The following WDFY1 variants were observed in gnomAD, a reference collection of about 807,000 sequenced individuals.
The protein encoded by WDFY1 is WD repeat and FYVE domain-containing protein 1.
Under a neutral mutation model 56.4 loss-of-function variants are expected in WDFY1, and 32 were observed. The observed-to-expected ratio is 0.57, with a 90% CI of 0.43 to 0.76. WDFY1 has a LOEUF of 0.76. Ranked by LOEUF, WDFY1 falls within the 30% of genes least tolerant of loss-of-function variation. The probability of loss-of-function intolerance (pLI) is 0.00; values close to 1 mark genes in which losing one functional copy is unlikely to be tolerated. For missense variants in WDFY1, 480 were observed against 545.7 expected (o/e 0.88, Z 1.20); for synonymous variants, 192 against 197.3 (o/e 0.97, Z 0.23).
chr2:223,880,765 A>ATTTTTTTTT (rs386392765), intron 10 of WDFY1, among the ~76,000 whole-genome samples: 1 of 149,540 alleles, frequency 6.7e-6, no homozygotes. Context: ...AAAATAACTG[A>ATTTTTTTTT]TTTTTTTTTT....
chr2:223,922,130 C>T (rs929694384), intron 1 of WDFY1, among the ~76,000 whole-genome samples: 2 of 152,224 alleles, frequency 1.3e-5, no homozygotes, highest in East Asian at 1.9e-4. Flanking sequence ...TCCCTGAATA[C>T]GTCCAGCTCA....
chr2:223,898,777 T>C (rs1693445061), intron 6 of WDFY1, among the ~76,000 whole-genome samples, 181 bp downstream of exon 6: 2 of 152,072 alleles, frequency 1.3e-5, no homozygotes, highest in African/African-American at 4.8e-5. Context: ...ATTTCGACAA[T>C]ATGAAATGAA....
At chr2:223,904,913 ATAAAG>A (rs1379972960) in intron 4 of WDFY1, among the ~76,000 whole-genome samples, 2 of 152,210 alleles carry the variant, frequency 1.3e-5, no homozygotes, top group African/African-American at 2.4e-5. Flanking sequence ...AATTTACAAA[ATAAAG>A]TAAAAACTGA....
Position 223,884,045 on chromosome 2 carries a change from C to CT in WDFY1, c.933+602dup, listed in dbSNP as rs1194002648. ...ATCAGCATTCTTTTTTACTTACCTG[C>CT]TTTTTTTTTTTTTTGTAGAACTTTA... On this transcript the variant is annotated intron_variant, in intron 9 of 11. Coordinates refer to ENST00000233055, the MANE Select transcript of WDFY1 (RefSeq NM_020830.5). Among the ~76,000 whole-genome samples the CT allele has an allele frequency of 2.7e-3, 379 of 141,054 alleles. 4 individuals carry two copies. The highest frequency in any genetic ancestry group is 0.014 in the Admixed American group (198 of 13,978). The allele number at this position is 141,054 out of a possible 152,430, so 92.5% of individuals were successfully genotyped here. A position where few individuals can be genotyped will look rare whatever the true frequency, so the allele number is the denominator to read the frequency against.
chr2:223,944,397 CG>C (rs1408906259), intron 1 of WDFY1, among the ~76,000 whole-genome samples: 4 of 152,252 alleles, frequency 2.6e-5, no homozygotes, highest in Non-Finnish European at 4.4e-5. Context: ...CAGGCTAGTG[CG>C]ACACCGCAGG....
chr2:223,935,503 G>A (rs1044646812), intron 1 of WDFY1, among the ~76,000 whole-genome samples: 3 of 152,180 alleles, frequency 2.0e-5, no homozygotes, highest in Non-Finnish European at 4.4e-5. Flanking sequence ...GAGGGAAGAT[G>A]AATACCTAAA....
chr2:223,925,113 T>G (rs948977024), intron 1 of WDFY1, among the ~76,000 whole-genome samples: 1 of 151,774 alleles, frequency 6.6e-6, no homozygotes, highest in Non-Finnish European at 1.5e-5. Flanking sequence ...ATGAAATGGG[T>G]TAATGATAGA....
intron 2 of WDFY1, among the ~76,000 whole-genome samples, chr2:223,913,212 CAAA>C (rs60874770): frequency 1.2e-4 from 7 of 59,798 alleles, no homozygotes; most frequent in African/African-American, 2.1e-4. Context: ...AACTCCATCT[CAAA>C]AAAAAAAAAA....
chr2:223,891,844 A>C (rs1276800201), intron 8 of WDFY1, among the ~76,000 whole-genome samples: 1 of 152,212 alleles, frequency 6.6e-6, no homozygotes, highest in Non-Finnish European at 1.5e-5. Context: ...AATAAGACTG[A>C]AAAATAATAG....
Position 223,878,527 on chromosome 2 carries a change from A to C in WDFY1, c.*144T>G. 1.5e-6 allele frequency: 1 copy of C among 652,650 alleles called. No homozygotes were observed. Among genetic ancestry groups the C allele is most frequent in the South Asian group, 2.0e-5 (1 of 50,564 alleles). The allele number at this position is 652,650 out of a possible 1,614,324, so 40.4% of individuals were successfully genotyped here. ...AAGTTCCACAAATGCCCCAAAACACACCTTTACATTTTCTTTTTAAAAATG... is the reference window on the plus strand; with the variant it reads ...AAGTTCCACAAATGCCCCAAAACACCCCTTTACATTTTCTTTTTAAAAATG... On this transcript the variant is annotated 3_prime_UTR_variant, in exon 12 of 12. Transcript: ENST00000233055.
intron 1 of WDFY1, among the ~76,000 whole-genome samples, chr2:223,918,737 T>C (rs1214616856): frequency 2.0e-5 from 3 of 151,884 alleles, no homozygotes; most frequent in African/African-American, 4.9e-5. Context: ...CACTTGGTGG[T>C]TGACCGTCTG....
intron 4 of WDFY1, among the ~76,000 whole-genome samples, chr2:223,904,927 GA>G (rs1468329135): frequency 2.6e-5 from 4 of 151,922 alleles, no homozygotes; most frequent in Admixed American, 6.6e-5. Context: ...AGTAAAAACT[GA>G]AAAAAAGGTA....
At chr2:223,881,124 G>T (rs1460919260) in intron 10 of WDFY1, among the ~76,000 whole-genome samples, 1 of 152,204 alleles carries the variant, frequency 6.6e-6, no homozygotes, top group African/African-American at 2.4e-5. Flanking sequence ...AGGGCAGAGT[G>T]GGGTATCAAA....
chr2:223,942,527 C>CTTTTTTTTTGTTT (rs1689325660), intron 1 of WDFY1, among the ~76,000 whole-genome samples: 1 of 74,220 alleles, frequency 1.3e-5, no homozygotes, highest in Non-Finnish European at 2.5e-5. Context: ...CAAAGGCTAA[C>CTTTTTTTTTGTTT]TTTTTTTTTT....
intron 1 of WDFY1, among the ~76,000 whole-genome samples, chr2:223,938,852 C>A (rs1159066479): frequency 3.8e-5 from 3 of 78,090 alleles, no homozygotes; most frequent in Non-Finnish European, 2.6e-5. Flanking sequence ...AAAATGTAAG[C>A]AGTATTTTTT....
chr2:223,897,638 C>T (rs1175342102), intron 6 of WDFY1, among the ~76,000 whole-genome samples: 1 of 151,944 alleles, frequency 6.6e-6, no homozygotes, highest in African/African-American at 2.4e-5. Flanking sequence ...ACTCAGCCTC[C>T]CAAAGTGCTG....
chr2:223,884,828 A>T (rs1693143799), intron 8 of WDFY1, 79 bp from the exon 9 acceptor site: 2 of 1,259,186 alleles, frequency 1.6e-6, no homozygotes, highest in South Asian at 2.5e-5. Context: ...CAACAGTTCT[A>T]GACCTTGCCA....
chr2:223,878,765 G>GT, intron 11 of WDFY1, 35 bp from the exon 12 acceptor site: 1 of 1,607,772 alleles, frequency 6.2e-7, no homozygotes, highest in East Asian at 2.3e-5. Flanking sequence ...AAAGGCAGCA[G>GT]TGATAACCAG....
At chr2:223,881,829 G>A in intron 10 of WDFY1, 113 bp downstream of exon 10, 1 of 1,411,442 alleles carries the variant, frequency 7.1e-7, no homozygotes, top group Non-Finnish European at 9.5e-7. Flanking sequence ...AAATTCAGGA[G>A]AAACAAACAC....
Sources: gnomAD v4.1 joint callset for allele counts (sites outside exome capture counted in the v4.1 genomes callset) on GRCh38, gnomAD v4.1.1 for gene constraint, MANE v1.5 for transcripts, NCBI Gene and HGNC (gene_info 2026-07-23, HGNC 2026-07-21) for gene names.